The following VPS36 variants were observed in gnomAD, a reference collection of about 807,000 sequenced individuals.
The protein encoded by VPS36 is vacuolar protein-sorting-associated protein 36.
Under a neutral mutation model 63.5 loss-of-function variants are expected in VPS36, and 31 were observed. The ratio of observed to expected loss-of-function variants is 0.49; its 90% CI spans 0.37 to 0.66. VPS36 has a LOEUF of 0.66. Ranked by LOEUF, VPS36 falls within the 30% of genes least tolerant of loss-of-function variation. The pLI is 0.00. For synonymous variants in VPS36, 138 were observed against 157.2 expected (o/e 0.88, Z 0.91); for missense variants, 338 against 463.7 (o/e 0.73, Z 2.49).
At chr13:52,418,739 G>GA (rs1958018414) in intron 10 of VPS36, among the ~76,000 whole-genome samples, 1 of 152,130 alleles carries the variant, frequency 6.6e-6, no homozygotes, top group East Asian at 1.9e-4. Context: ...GAAGTCTTCT[G>GA]AATCTGGTGC....
chr13:52,427,917 A>G (rs1958119622), intron 6 of VPS36, among the ~76,000 whole-genome samples: 1 of 152,186 alleles, frequency 6.6e-6, no homozygotes, highest in Admixed American at 6.5e-5. Context: ...AATCAAAAGC[A>G]CTACAAAGCT....
chr13:52,423,384 A>C (rs1000986529), intron 10 of VPS36, among the ~76,000 whole-genome samples, 190 bp downstream of exon 10: 1 of 152,216 alleles, frequency 6.6e-6, no homozygotes, highest in East Asian at 1.9e-4. Flanking sequence ...ACTGAAGGTC[A>C]CTAAGCAAAT....
At position 52,415,745 on chromosome 13, in the gene VPS36, ATC is replaced by A. The variant is rs2137766499; in HGVS notation, c.*83_*84del. The A allele has an allele frequency of 4.9e-6, 6 of 1,215,606 alleles. No homozygotes were observed. In the South Asian group the frequency reaches 7.9e-5, roughly 16 times the overall value. 75.3% of individuals were successfully genotyped at this position (1,215,606 alleles called of 1,614,324 possible). ...TGAAGTTCCAATAAATTCTCAATTG[ATC>A]GGGGTTTATCTCTTAGCTCAATGTC... On this transcript the variant is annotated 3_prime_UTR_variant, in exon 14 of 14. Coordinates refer to ENST00000378060, the MANE Select transcript of VPS36 (RefSeq NM_016075.4).
At chr13:52,426,580 G>T (rs1958103011) in intron 8 of VPS36, among the ~76,000 whole-genome samples, 1 of 152,190 alleles carries the variant, frequency 6.6e-6, no homozygotes, top group Admixed American at 6.5e-5. Context: ...AGTCCTAAAA[G>T]AAATAAAACA....
intron 6 of VPS36, among the ~76,000 whole-genome samples, chr13:52,430,135 CA>C (rs1275749400): frequency 6.6e-6 from 1 of 151,964 alleles, no homozygotes; most frequent in Non-Finnish European, 1.5e-5. Context: ...AAAATCATTT[CA>C]GAAATAAAGT....
At chr13:52,427,874 T>C (rs1328153134) in intron 6 of VPS36, among the ~76,000 whole-genome samples, 1 of 152,190 alleles carries the variant, frequency 6.6e-6, no homozygotes, top group East Asian at 1.9e-4. Context: ...ACTGGTTTTT[T>C]CTAAAATCAT....
Position 52,432,563 on chromosome 13 carries a change from C to T in VPS36, c.528+1099G>A, listed in dbSNP as rs187815069. ...ATGAAAAATAAACACAGAATTATCACTATTTACCACCACCAATGAACTAAT... is the reference window on the plus strand; with the variant it reads ...ATGAAAAATAAACACAGAATTATCATTATTTACCACCACCAATGAACTAAT... On this transcript the variant is annotated intron_variant, in intron 6 of 13. Transcript: ENST00000378060. Among the ~76,000 whole-genome samples the T allele has an allele frequency of 2.4e-3, 370 of 152,292 alleles. 1 individual carries two copies. Among genetic ancestry groups the T allele is most frequent in the African/African-American group, 8.6e-3 (356 of 41,576 alleles).
At chr13:52,448,538 A>AT (rs1299968156) in intron 1 of VPS36, among the ~76,000 whole-genome samples, 2 of 152,214 alleles carry the variant, frequency 1.3e-5, no homozygotes, top group East Asian at 3.8e-4. Context: ...TCTGGACTAG[A>AT]TCACAGGGTC....
Position 52,442,235 on chromosome 13 carries a change from C to T in VPS36, c.165+142G>A, listed in dbSNP as rs552761558. ...CAATGGTGGCTCACTCCTGTAGCCC[C>T]GGCTACTCGGGAGGTTGAGGCCAGG... is the stretch of plus-strand genomic sequence containing the variant. On this transcript the variant is annotated intron_variant, in intron 2 of 13. Coordinates refer to ENST00000378060, the MANE Select transcript of VPS36 (RefSeq NM_016075.4). 1.4e-4 allele frequency: 81 copies of T among 565,952 alleles called. No individual in the cohort carries two copies. In the South Asian group the frequency reaches 2.1e-3, roughly 14 times the overall value. 35.1% of individuals were successfully genotyped at this position (565,952 alleles called of 1,614,324 possible). A position where few individuals can be genotyped will look rare whatever the true frequency, so the allele number is the denominator to read the frequency against.
intron 1 of VPS36, among the ~76,000 whole-genome samples, chr13:52,446,801 A>T (rs1429181015): frequency 6.6e-6 from 1 of 151,898 alleles, no homozygotes; most frequent in Non-Finnish European, 1.5e-5. Context: ...GTTTATAACT[A>T]TTATTAATAG....
At position 52,418,624 on chromosome 13, in the gene VPS36, A is replaced by G. The variant is rs540260206; in HGVS notation, c.841-568T>C. Among the ~76,000 whole-genome samples, 70 of 151,956 alleles carry G rather than the reference A, an allele frequency of 4.6e-4. 1 individual carries two copies. In the South Asian group the frequency reaches 0.013, roughly 28 times the overall value. On this transcript the variant is annotated intron_variant, in intron 10 of 13. Transcript: ENST00000378060. ...GTAAAAAAGTAAAAAGAAACATGAA[A>G]TTAATTTTAATGCATATATTTTAAG...
At chr13:52,443,897 TG>T (rs1231390840) in intron 1 of VPS36, among the ~76,000 whole-genome samples, 2 of 152,128 alleles carry the variant, frequency 1.3e-5, no homozygotes, top group African/African-American at 4.8e-5. Context: ...AGATATATAT[TG>T]GAAGCTATTA....
intron 1 of VPS36, among the ~76,000 whole-genome samples, chr13:52,448,334 T>G (rs1958365822): frequency 1.3e-5 from 2 of 152,216 alleles, no homozygotes; most frequent in Non-Finnish European, 2.9e-5. Flanking sequence ...ACAGGAGGTC[T>G]GGAAACCTTC....
At chr13:52,450,239 G>A (rs12430462) in intron 1 of VPS36, 3 of 1,098,280 alleles carry the variant, frequency 2.7e-6, no homozygotes, top group Admixed American at 5.2e-5. Context: ...GGAGGGAAGC[G>A]GCCGCGATCC....
chr13:52,450,089 C>T (rs1958385841), intron 1 of VPS36: 1 of 989,506 alleles, frequency 1.0e-6, no homozygotes, highest in African/African-American at 1.7e-5. Context: ...TGTCCGGTGC[C>T]GACGCCGAGG....
intron 10 of VPS36, among the ~76,000 whole-genome samples, chr13:52,419,519 AG>A (rs1178218289): frequency 6.6e-6 from 1 of 152,230 alleles, no homozygotes; most frequent in African/African-American, 2.4e-5. Flanking sequence ...ATGTGGGGAA[AG>A]GGGAACTCTT....
rs1459870836 is a variant in VPS36 at position 52,414,625 on chromosome 13, G to A, written c.*1205C>T. 1 of 152,098 alleles carries A rather than the reference G, an allele frequency of 6.6e-6. No homozygotes were observed. The highest frequency in any genetic ancestry group is 1.5e-5 in the Non-Finnish European group (1 of 68,048). The allele number at this position is 152,098 out of a possible 1,614,324, so 9.4% of individuals were successfully genotyped here. On this transcript the variant is annotated 3_prime_UTR_variant, in exon 14 of 14. Coordinates refer to ENST00000378060, the MANE Select transcript of VPS36 (RefSeq NM_016075.4). ...TTAGGGGTCCCAGAGTGTGAACCTG[G>A]GCATCCCTCTTCCTGGTCCCAAGGG...
At chr13:52,449,820 A>G (rs1370277118) in intron 1 of VPS36, 3 of 635,684 alleles carry the variant, frequency 4.7e-6, no homozygotes, top group Admixed American at 6.3e-5. Flanking sequence ...ACGGTCTACT[A>G]TTAATATAAC....
intron 1 of VPS36, among the ~76,000 whole-genome samples, chr13:52,444,330 G>C (rs1244460774): frequency 1.3e-5 from 2 of 151,782 alleles, no homozygotes; most frequent in Admixed American, 6.6e-5. Context: ...TGTGGTGGCG[G>C]GTGCCTGTAG....
Sources: gnomAD v4.1 joint callset for allele counts (sites outside exome capture counted in the v4.1 genomes callset) on GRCh38, gnomAD v4.1.1 for gene constraint, MANE v1.5 for transcripts, NCBI Gene and HGNC (gene_info 2026-07-23, HGNC 2026-07-21) for gene names.